The following NELL1 variants were observed in gnomAD, a reference collection of about 807,000 sequenced individuals.
The protein encoded by NELL1 is protein kinase C-binding protein NELL1.
In NELL1, 76 loss-of-function variants were observed where a neutral mutation model predicts 107.4. That is an observed-to-expected ratio of 0.71 (90% CI 0.59 to 0.86). The LOEUF is 0.86. Among genes scored for constraint, NELL1 ranks in the 40% least tolerant of loss-of-function variants. The probability of loss-of-function intolerance (pLI) is 0.00; values close to 1 mark genes in which losing one functional copy is unlikely to be tolerated. For missense variants in NELL1, 1,024 were observed against 1,005.5 expected (o/e 1.02, Z -0.25); for synonymous variants, 353 against 341.2 (o/e 1.03, Z -0.38).
chr11:21,462,452 C>T (rs1463330221), intron 15 of NELL1, among the ~76,000 whole-genome samples: 1 of 151,998 alleles, frequency 6.6e-6, no homozygotes, highest in Admixed American at 6.6e-5. Context: ...TCTTTCCCCC[C>T]TCTACAATGT....
chr11:20,788,265 T>C (rs1241608205), intron 3 of NELL1, among the ~76,000 whole-genome samples: 1 of 152,216 alleles, frequency 6.6e-6, no homozygotes, highest in East Asian at 1.9e-4. Flanking sequence ...GTTTAACTGT[T>C]TGAGGAACTG....
intron 3 of NELL1, among the ~76,000 whole-genome samples, chr11:20,838,977 A>C (rs764750260): frequency 4.6e-5 from 7 of 152,160 alleles, no homozygotes; most frequent in Non-Finnish European, 8.8e-5. Flanking sequence ...TTGCTTAATA[A>C]ATGTTTTTAT....
intron 14 of NELL1, among the ~76,000 whole-genome samples, chr11:21,234,596 A>G (rs2133890407): frequency 6.6e-6 from 1 of 152,368 alleles, no homozygotes; most frequent in East Asian, 1.9e-4. Context: ...AACTCCAGGA[A>G]CATAGGTGAA....
chr11:21,119,416 G>T (rs975421669), intron 13 of NELL1, among the ~76,000 whole-genome samples: 2 of 151,514 alleles, frequency 1.3e-5, no homozygotes, highest in African/African-American at 4.8e-5. Flanking sequence ...TATATATATG[G>T]GATAATAAAG....
intron 2 of NELL1, among the ~76,000 whole-genome samples, chr11:20,684,984 T>A (rs1317563697): frequency 2.0e-5 from 3 of 152,024 alleles, no homozygotes; most frequent in Non-Finnish European, 4.4e-5. Context: ...TTTTCTAACA[T>A]GTATGCACAG....
intron 16 of NELL1, among the ~76,000 whole-genome samples, chr11:21,541,794 A>T (rs11026131): frequency 6.6e-6 from 1 of 151,908 alleles, no homozygotes; most frequent in Non-Finnish European, 1.5e-5. Context: ...TTTTTCTAAT[A>T]TGTGTTTTTA....
chr11:20,956,179 A>C (rs1851166946), intron 11 of NELL1, among the ~76,000 whole-genome samples: 1 of 152,112 alleles, frequency 6.6e-6, no homozygotes, highest in South Asian at 2.1e-4. Context: ...AGATCACGCC[A>C]CTGCACTCCA....
At chr11:21,109,780 TG>T (rs1302288806) in intron 12 of NELL1, among the ~76,000 whole-genome samples, 1 of 152,194 alleles carries the variant, frequency 6.6e-6, no homozygotes, top group Non-Finnish European at 1.5e-5. Context: ...TCGCTATTTC[TG>T]AAGATTGTTT....
chr11:21,306,620 G>A (rs1048319582), intron 14 of NELL1, among the ~76,000 whole-genome samples: 1 of 151,930 alleles, frequency 6.6e-6, no homozygotes, highest in Non-Finnish European at 1.5e-5. Flanking sequence ...TCTTTTCAGT[G>A]ACCTTTACTC....
intron 15 of NELL1, among the ~76,000 whole-genome samples, chr11:21,409,961 A>G (rs187803167): frequency 2.0e-5 from 3 of 152,058 alleles, no homozygotes; most frequent in Non-Finnish European, 2.9e-5. Context: ...ATGAGTTTAA[A>G]TTTTTTTAAT....
intron 12 of NELL1, among the ~76,000 whole-genome samples, chr11:21,019,325 C>T (rs762797333): frequency 6.6e-6 from 1 of 152,062 alleles, no homozygotes; most frequent in Non-Finnish European, 1.5e-5. Flanking sequence ...GAATAAAACA[C>T]AGCTGAACTT....
chr11:20,942,126 C>T (rs571189915), intron 10 of NELL1, among the ~76,000 whole-genome samples: 1 of 152,310 alleles, frequency 6.6e-6, no homozygotes, highest in Non-Finnish European at 1.5e-5. Flanking sequence ...CAGAAGCACT[C>T]AAGGAGATAC....
At chr11:21,227,472 T>C (rs1857924702) in intron 13 of NELL1, among the ~76,000 whole-genome samples, 1 of 152,236 alleles carries the variant, frequency 6.6e-6, no homozygotes, top group East Asian at 1.9e-4. Flanking sequence ...CATCTTTGTA[T>C]TCCCAGTACA....
intron 16 of NELL1, among the ~76,000 whole-genome samples, chr11:21,549,293 T>C (rs1856518375): frequency 6.6e-6 from 1 of 151,966 alleles, no homozygotes; most frequent in African/African-American, 2.4e-5. Flanking sequence ...GAGTATAATG[T>C]ATAAGAGTTT....
At chr11:21,329,019 T>C (rs968585332) in intron 14 of NELL1, among the ~76,000 whole-genome samples, 2 of 152,158 alleles carry the variant, frequency 1.3e-5, no homozygotes, top group African/African-American at 2.4e-5. Context: ...TTTGGGCTAA[T>C]GCTGAAATGA....
At position 21,095,279 on chromosome 11, in the gene NELL1, G is replaced by A. The variant is rs145732169; in HGVS notation, c.1301-18310G>A. Among the ~76,000 whole-genome samples the A allele has an allele frequency of 5.1e-3, 776 of 152,150 alleles. 2 individuals are homozygous for A. The highest frequency in any genetic ancestry group is 0.01 in the Admixed American group (153 of 15,288). On this transcript the variant is annotated intron_variant, in intron 12 of 19. Coordinates refer to ENST00000357134, the MANE Select transcript of NELL1 (RefSeq NM_006157.5). ...CAGCCTGAACCTTATTGTCCATATC[G>A]CTATCAGGCTTTTCATCAAAGCCAT...
chr11:21,524,234 C>T (rs1442841964), intron 15 of NELL1, among the ~76,000 whole-genome samples: 1 of 152,026 alleles, frequency 6.6e-6, no homozygotes, highest in African/African-American at 2.4e-5. Context: ...ATGTACACCT[C>T]CATTTTCAGT....
intron 3 of NELL1, among the ~76,000 whole-genome samples, chr11:20,797,436 G>A (rs1405053577): frequency 1.3e-5 from 2 of 151,820 alleles, no homozygotes; most frequent in African/African-American, 2.4e-5. Flanking sequence ...CGTGGTGGCG[G>A]GCGCCTGTAG....
At chr11:21,319,229 G>A (rs1051426292) in intron 14 of NELL1, among the ~76,000 whole-genome samples, 2 of 151,762 alleles carry the variant, frequency 1.3e-5, no homozygotes, top group African/African-American at 4.8e-5. Flanking sequence ...AGGCTGGAGT[G>A]CAGTGACATG....
Sources: gnomAD v4.1 joint callset for allele counts (sites outside exome capture counted in the v4.1 genomes callset) on GRCh38, gnomAD v4.1.1 for gene constraint, MANE v1.5 for transcripts, NCBI Gene and HGNC (gene_info 2026-07-23, HGNC 2026-07-21) for gene names.